COMMD5: variants seen among roughly 807,000 people sequenced by gnomAD.
The protein encoded by COMMD5 is COMM domain containing 5.
Under a neutral mutation model 6.9 loss-of-function variants are expected in COMMD5, and 10 were observed. That is an observed-to-expected ratio of 1.44 (90% CI 0.89 to 2.45). The LOEUF is 2.45. Ranked by LOEUF, COMMD5 falls within the 30% of genes most tolerant of loss-of-function variation. COMMD5 has a pLI of 0.00. For synonymous variants in COMMD5, 127 were observed against 125.3 expected, an observed-to-expected ratio of 1.01 and a Z score of -0.09; for missense variants, 234 against 287.8, an observed-to-expected ratio of 0.81 and a Z score of 1.35.
chr8:144,840,551 C>T (rs1482056446), downstream of COMMD5, among the ~76,000 whole-genome samples: 1 of 152,180 alleles, frequency 6.6e-6, no homozygotes, highest in Non-Finnish European at 1.5e-5. Context: ...GGTTTGATCA[C>T]AGACATCAAG....
rs2130778248 is a variant in COMMD5, at chr8:144,851,212, G to A, written c.127C>T (p.Leu43=). 6.2e-7 allele frequency: 1 copy of A among 1,613,976 alleles called. No individual in the cohort carries two copies. Among genetic ancestry groups the A allele is most frequent in the Non-Finnish European group, 8.5e-7 (1 of 1,180,034 alleles). The part of the protein sequence containing the change: ...VAAMARLLGD[L]DRSTFRKLLK... ...AACTTTCTGAACGTGCTCCTGTCTA[G>A]GTCCCCTAGTAGCCGGGCCATTGCT... Residue 43 remains leucine, a synonymous_variant, in exon 2 of 2, where the codon CTA becomes TTA. Coordinates refer to ENST00000305103, the MANE Select transcript of COMMD5 (RefSeq NM_014066.4).
At chr8:144,843,707 A>C (rs1830304922) in intron 1 of COMMD5, 1 of 152,142 alleles carries the variant, frequency 6.6e-6, no homozygotes, top group South Asian at 2.1e-4. Flanking sequence ...TGCAGTCTGC[A>C]GTTTTGAGTT....
chr8:144,842,084 G>C (rs1178465397), intron 1 of COMMD5: 4 of 1,614,148 alleles, frequency 2.5e-6, no homozygotes, highest in Non-Finnish European at 3.4e-6. Context: ...CACCATCAGA[G>C]AATCCACACA....
downstream of COMMD5, chr8:144,846,304 C>T (rs1272257816): frequency 9.3e-6 from 9 of 966,880 alleles, no homozygotes; most frequent in Non-Finnish European, 1.3e-5. Flanking sequence ...TTGACATGGT[C>T]CTAAGTCAGG....
At chr8:144,840,897 C>T (rs2975301), downstream of COMMD5, 818 of 156,638 alleles carry the variant, frequency 5.2e-3, 12 homozygotes, top group African/African-American at 0.019. Context: ...AGTCCCTTGG[C>T]AGCTCTTCCA....
At chr8:144,841,410 A>G in exon 2 of COMMD5, 1 of 1,613,804 alleles carries the variant, frequency 6.2e-7, no homozygotes, top group Non-Finnish European at 8.5e-7. Flanking sequence ...ACATCCTAAA[A>G]TCAGAATCCT....
In COMMD5 at chr8:144,851,078, T is replaced by C. The variant is rs1341348911; in HGVS notation, c.261A>G (p.Ala87=). 16 of 1,611,818 alleles carry C rather than the reference T, an allele frequency of 9.9e-6. No homozygotes were observed. The highest frequency in any genetic ancestry group is 1.3e-5 in the Non-Finnish European group (15 of 1,179,394). ...LPEEQLGALL[A]GMHTLLQQAL... ...CCTGCTGGAGCAGTGTGTGCATGCC[T>C]GCCAGCAGGGCACCCAGCTGCTCCT... The change falls in exon 2 of 2, where the codon GCA becomes GCG. Residue 87 remains alanine, a synonymous_variant. Transcript: ENST00000305103.
chr8:144,845,155 AG>A (rs1329418166), intron 1 of COMMD5, among the ~76,000 whole-genome samples: 1 of 152,136 alleles, frequency 6.6e-6, no homozygotes, highest in Non-Finnish European at 1.5e-5. Context: ...CCAAGAACTG[AG>A]GGTCTGAGAT....
At chr8:144,852,477 C>T (rs1469626392) in intron 1 of COMMD5, 1 of 152,392 alleles carries the variant, frequency 6.6e-6, no homozygotes, top group African/African-American at 2.4e-5. Flanking sequence ...CTCAGCGGGG[C>T]ACAGCTCCTG....
chr8:144,847,571 A>G (rs1487542223), downstream of COMMD5: 1 of 152,244 alleles, frequency 6.6e-6, no homozygotes, highest in Non-Finnish European at 1.5e-5. Context: ...ACTGAATTGA[A>G]ACTATCTGGA....
At chr8:144,849,649 C>T (rs745546648), downstream of COMMD5, among the ~76,000 whole-genome samples, 3 of 152,136 alleles carry the variant, frequency 2.0e-5, no homozygotes, top group Non-Finnish European at 2.9e-5. Flanking sequence ...AGCACCAAGG[C>T]CCCTCCTGGA....
At chr8:144,845,822 A>C (rs1830479312), downstream of COMMD5, among the ~76,000 whole-genome samples, 1 of 152,150 alleles carries the variant, frequency 6.6e-6, no homozygotes, top group East Asian at 1.9e-4. Context: ...GCCATGCCCT[A>C]CTCACACCGG....
intron 1 of COMMD5, chr8:144,843,842 A>G (rs1586849103): frequency 6.6e-6 from 1 of 152,204 alleles, no homozygotes; most frequent in African/African-American, 2.4e-5. Flanking sequence ...ACTGGCTTCA[A>G]CAATACGGAA....
intron 1 of COMMD5, chr8:144,843,270 T>C (rs769160163): frequency 3.0e-4 from 418 of 1,372,988 alleles, no homozygotes; most frequent in Non-Finnish European, 3.9e-4. Flanking sequence ...AGAATGTTGG[T>C]AAAGGTTCAG....
At chr8:144,844,506 G>T (rs2953889) in intron 1 of COMMD5, among the ~76,000 whole-genome samples, 27 of 151,578 alleles carry the variant, frequency 1.8e-4, no homozygotes, top group African/African-American at 3.9e-4. Flanking sequence ...GTCAGGAGAT[G>T]AAGACCATCC....
At chr8:144,847,075 G>A (rs1390723589), downstream of COMMD5, 1 of 152,218 alleles carries the variant, frequency 6.6e-6, no homozygotes, top group Non-Finnish European at 1.5e-5. Context: ...AGAGCCAAGG[G>A]TGTGAGCACA....
intron 1 of COMMD5, chr8:144,843,349 G>C: frequency 1.4e-6 from 1 of 696,586 alleles, no homozygotes; most frequent in Non-Finnish European, 2.2e-6. Flanking sequence ...CAGCACTTTG[G>C]GAGGCCAAGG....
chr8:144,851,748 C>T (rs1333005572), intron 1 of COMMD5, among the ~76,000 whole-genome samples: 1 of 152,074 alleles, frequency 6.6e-6, no homozygotes, highest in African/African-American at 2.4e-5. Context: ...CTGCAGCTGG[C>T]GCCACAGACC....
Position 144,850,439 on chromosome 8 carries a change from C to T in COMMD5, c.*225G>A. The T allele has an allele frequency of 9.0e-6, 5 of 557,168 alleles. No homozygotes were observed. In the South Asian group the frequency reaches 1.2e-4, roughly 13 times the overall value. 34.5% of individuals were successfully genotyped at this position (557,168 alleles called of 1,614,324 possible). A position where few individuals can be genotyped will look rare whatever the true frequency, so the allele number is the denominator to read the frequency against. ...GAAGGGGAGGGTGTGAGGTCCAACA[C>T]TCACCTATAGAAACATGTTTTTAGC... On this transcript the variant is annotated 3_prime_UTR_variant, in exon 2 of 2. Coordinates refer to ENST00000305103, the MANE Select transcript of COMMD5 (RefSeq NM_014066.4). The surrounding 1 kb of genome is among the most constrained non-coding windows in gnomAD (Gnocchi z 4.0).
Sources: gnomAD v4.1 joint callset for allele counts (sites outside exome capture counted in the v4.1 genomes callset) on GRCh38, gnomAD v4.1.1 for gene constraint, Gnocchi (gnomAD v3.1) non-coding constraint, MANE v1.5 for transcripts, NCBI Gene and HGNC (gene_info 2026-07-23, HGNC 2026-07-21) for gene names.